TMEM236: variants seen among roughly 807,000 people sequenced by gnomAD.
The protein encoded by TMEM236 is transmembrane protein 236.
In TMEM236, 11 loss-of-function variants were observed where a neutral mutation model predicts 14.7. That is an observed-to-expected ratio of 0.75 (90% CI 0.47 to 1.24). The LOEUF is 1.24. Among genes scored for constraint, TMEM236 ranks in the 50% most tolerant of loss-of-function variants. The pLI, the probability that TMEM236 is intolerant of heterozygous loss-of-function variation, is 0.00. For missense variants in TMEM236, 464 were observed against 427.3 expected (o/e 1.09, Z -0.76); for synonymous variants, 182 against 168.6 (o/e 1.08, Z -0.62).
intron 1 of TMEM236, among the ~76,000 whole-genome samples, chr10:17,764,415 A>G (rs1837427091): frequency 6.6e-6 from 1 of 152,182 alleles, no homozygotes; most frequent in Admixed American, 6.5e-5. Context: ...CCTTTTCTTT[A>G]GCCAATCCTA....
At chr10:17,789,248 T>C (rs930766131) in intron 3 of TMEM236, among the ~76,000 whole-genome samples, 1 of 152,222 alleles carries the variant, frequency 6.6e-6, no homozygotes, top group African/African-American at 2.4e-5. Context: ...GTCTCTGTAG[T>C]GTGACAGTCT....
chr10:17,778,666 C>T (rs2131755055), intron 3 of TMEM236, among the ~76,000 whole-genome samples: 1 of 152,258 alleles, frequency 6.6e-6, no homozygotes, highest in Non-Finnish European at 1.5e-5. Context: ...GAAATGCATA[C>T]ATGTCTGTCA....
In TMEM236 at chr10:17,795,924, G is replaced by C; in HGVS notation, c.476G>C (p.Ser159Thr). 2 of 1,613,938 alleles carry C rather than the reference G, an allele frequency of 1.2e-6. No individual in the cohort carries two copies. Among genetic ancestry groups the C allele is most frequent in the Non-Finnish European group, 1.7e-6 (2 of 1,179,844 alleles). ...IYPLRGSQKS[S>T]ENGHIHSTSL... The stretch of plus-strand genomic sequence containing the variant: ...TAAATAAATCTGTTAATTGCAGGTA[G>C]TGAAAATGGACACATCCATTCAACC... The change falls in exon 4 of 4, where the codon AGT becomes ACT. Residue 159 changes from serine to threonine, a missense_variant. Transcript: ENST00000377495.
chr10:17,780,631 A>G lies in TMEM236; in HGVS notation c.472+4461A>G, dbSNP rs905007911. On this transcript the variant is annotated intron_variant, in intron 3 of 3. Transcript: ENST00000377495. Reference sequence around the variant, plus strand: ...TAGAAGAAAGGTTGGGCCTCCAAGAACTAAGGCGTGTATGTAGCAAATGGC... The same window carrying G: ...TAGAAGAAAGGTTGGGCCTCCAAGAGCTAAGGCGTGTATGTAGCAAATGGC... Among the ~76,000 whole-genome samples the G allele has an allele frequency of 2.1e-3, 323 of 152,252 alleles. 1 individual carries two copies. The highest frequency in any genetic ancestry group is 7.2e-3 in the African/African-American group (301 of 41,534).
intron 2 of TMEM236, among the ~76,000 whole-genome samples, chr10:17,773,637 A>G (rs1462067660): frequency 6.6e-6 from 1 of 152,104 alleles, no homozygotes; most frequent in Non-Finnish European, 1.5e-5. Flanking sequence ...CCCTCCAGGC[A>G]TCATTGTGTC....
chr10:17,798,749 A>G lies in TMEM236; in HGVS notation c.*2245A>G, dbSNP rs1038442158. ...GGGTCCCCGTTTCCACATGTAAAAG[A>G]TGAACATAATACTAGTACTACATTA... On this transcript the variant is annotated 3_prime_UTR_variant, in exon 4 of 4. Transcript: ENST00000377495. 6 of 527,686 alleles carry G rather than the reference A, an allele frequency of 1.1e-5. No individual in the cohort carries two copies. Among genetic ancestry groups the G allele is most frequent in the African/African-American group, 3.9e-5 (2 of 51,516 alleles). 32.7% of individuals were successfully genotyped at this position (527,686 alleles called of 1,614,324 possible).
At position 17,796,232 on chromosome 10, in the gene TMEM236, A is replaced by T; in HGVS notation, c.784A>T (p.Lys262Ter). ...VRVAGHPNVY[K>*]SSWLYPVYIF... ...TGTGGCTGGTCACCCCAACGTGTAC[A>T]AGTCAAGCTGGCTATACCCAGTCTA... is the stretch of plus-strand genomic sequence containing the variant. The change falls in exon 4 of 4, where the codon AAG becomes TAG. Residue 262 changes from lysine to a stop codon, truncating the protein, a stop_gained. Transcript: ENST00000377495. LOFTEE classifies it low-confidence loss of function (END_TRUNC). The T allele has an allele frequency of 3.1e-6, 5 of 1,613,952 alleles. No individual in the cohort carries two copies. Among genetic ancestry groups the T allele is most frequent in the Non-Finnish European group, 4.2e-6 (5 of 1,179,858 alleles).
chr10:17,759,883 T>C (rs36032159), intron 1 of TMEM236, among the ~76,000 whole-genome samples: 2,577 of 143,720 alleles, frequency 0.018, 45 homozygotes, highest in Non-Finnish European at 0.024. Flanking sequence ...CTCGGGAGGC[T>C]GAGGCAGGAG....
rs1485341556 is a variant in TMEM236 at position 17,797,263 on chromosome 10, C to T, written c.*759C>T. The T allele has an allele frequency of 6.6e-6, 1 of 151,044 alleles. No homozygotes were observed. Among genetic ancestry groups the T allele is most frequent in the Non-Finnish European group, 1.5e-5 (1 of 67,850 alleles). The allele number at this position is 151,044 out of a possible 1,614,324, so 9.4% of individuals were successfully genotyped here. On this transcript the variant is annotated 3_prime_UTR_variant, in exon 4 of 4. Coordinates refer to ENST00000377495, the MANE Select transcript of TMEM236 (RefSeq NM_001098844.3). Reference sequence around the variant, plus strand: ...ATTAAATTTAGTTTTAAAAAACACACTTGAAATTATTGAATAATTTTTAGG... The same window carrying T: ...ATTAAATTTAGTTTTAAAAAACACATTTGAAATTATTGAATAATTTTTAGG...
chr10:17,799,707 G>A lies in TMEM236; in HGVS notation c.*3203G>A, dbSNP rs1838067191. 6.6e-6 allele frequency: 1 copy of A among 152,544 alleles called. No individual in the cohort carries two copies. The highest frequency in any genetic ancestry group is 2.4e-5 in the African/African-American group (1 of 41,418). The allele number at this position is 152,544 out of a possible 1,614,324, so 9.4% of individuals were successfully genotyped here. A position where few individuals can be genotyped will look rare whatever the true frequency, so the allele number is the denominator to read the frequency against. ...ATATTCCTAAATATGAAAATATTTT[G>A]TGTAAGTATATATTTATCTCCATAT... On this transcript the variant is annotated 3_prime_UTR_variant, in exon 4 of 4. Coordinates refer to ENST00000377495, the MANE Select transcript of TMEM236 (RefSeq NM_001098844.3).
At chr10:17,767,888 T>G (rs915220008) in intron 1 of TMEM236, among the ~76,000 whole-genome samples, 2 of 151,142 alleles carry the variant, frequency 1.3e-5, no homozygotes, top group Non-Finnish European at 2.9e-5. Context: ...ATTACAATTT[T>G]TACTAGATCT....
intron 1 of TMEM236, among the ~76,000 whole-genome samples, chr10:17,770,400 T>G (rs1837549833): frequency 6.6e-6 from 1 of 152,210 alleles, no homozygotes; most frequent in African/African-American, 2.4e-5. Flanking sequence ...TTTATTTATT[T>G]TGAGACAGAG....
chr10:17,773,251 A>G (rs1554834951), intron 2 of TMEM236, among the ~76,000 whole-genome samples: 1 of 152,206 alleles, frequency 6.6e-6, no homozygotes, highest in Non-Finnish European at 1.5e-5. Context: ...AAGGTCAAAC[A>G]GCTTTTCAAA....
chr10:17,756,140 G>A (rs901423897), intron 1 of TMEM236, among the ~76,000 whole-genome samples: 200 of 152,256 alleles, frequency 1.3e-3, no homozygotes, highest in African/African-American at 1.5e-3. Flanking sequence ...GGTGGTGCAC[G>A]CCTGTAGTCC....
intron 1 of TMEM236, among the ~76,000 whole-genome samples, chr10:17,771,077 G>C (rs1226937915): frequency 1.3e-5 from 2 of 152,166 alleles, no homozygotes; most frequent in Non-Finnish European, 2.9e-5. Context: ...ATAGTTTGTG[G>C]TTTGCTAATT....
chr10:17,756,910 A>G (rs906271008), intron 1 of TMEM236, among the ~76,000 whole-genome samples: 3 of 152,224 alleles, frequency 2.0e-5, no homozygotes, highest in Non-Finnish European at 2.9e-5. Context: ...CATCTGGCTC[A>G]GGTACCTCCC....
intron 3 of TMEM236, among the ~76,000 whole-genome samples, chr10:17,790,053 A>G (rs1837901373): frequency 6.6e-6 from 1 of 151,670 alleles, no homozygotes; most frequent in African/African-American, 2.4e-5. Context: ...ACAAAAAAAC[A>G]AAAAACGAAC....
intron 1 of TMEM236, among the ~76,000 whole-genome samples, chr10:17,761,621 G>A (rs1837364324): frequency 6.7e-6 from 1 of 149,898 alleles, no homozygotes; most frequent in South Asian, 2.1e-4. Flanking sequence ...TGGAACCCGG[G>A]AGGCAGAGTT....
rs1314365506 is a variant in TMEM236 at position 17,798,415 on chromosome 10, T to C, written c.*1911T>C. The C allele has an allele frequency of 1.3e-5, 5 of 389,216 alleles. No individual in the cohort carries two copies. The highest frequency in any genetic ancestry group is 2.5e-5 in the Non-Finnish European group (5 of 197,154). 24.1% of individuals were successfully genotyped at this position (389,216 alleles called of 1,614,324 possible). ...TTAGCTGGGCATGGTGATCTGCAAC[T>C]ATAGTCCCAGCTACTTAGGAGGCTG... On this transcript the variant is annotated 3_prime_UTR_variant, in exon 4 of 4. Coordinates refer to ENST00000377495, the MANE Select transcript of TMEM236 (RefSeq NM_001098844.3).
Sources: gnomAD v4.1 joint callset for allele counts (sites outside exome capture counted in the v4.1 genomes callset) on GRCh38, gnomAD v4.1.1 for gene constraint, MANE v1.5 for transcripts, NCBI Gene and HGNC (gene_info 2026-07-23, HGNC 2026-07-21) for gene names.